Variants in SH3GL2 observed in about 807,000 individuals in gnomAD.
The protein encoded by SH3GL2 is endophilin-A1.
Under a neutral mutation model 46.0 loss-of-function variants are expected in SH3GL2, and 24 were observed. The ratio of observed to expected loss-of-function variants is 0.52; its 90% CI spans 0.38 to 0.73. The LOEUF (loss-of-function observed/expected upper bound fraction) is 0.73, where lower values mean the gene tolerates loss of function less well. SH3GL2 is among the 30% of genes least tolerant of loss of function. The pLI is 0.00. For missense variants in SH3GL2, 413 were observed against 424.2 expected (o/e 0.97, Z 0.23); for synonymous variants, 196 against 147.1 (o/e 1.33, Z -2.40).
At chr9:17,580,557 C>A (rs61708151) in intron 1 of SH3GL2, among the ~76,000 whole-genome samples, 1 of 152,168 alleles carries the variant, frequency 6.6e-6, no homozygotes, top group East Asian at 1.9e-4. Context: ...AAAAGTAAGA[C>A]TATTTCTGTA....
rs74900661 is a variant in SH3GL2 at position 17,776,037 on chromosome 9, C to T, written c.188-10344C>T. ...AAAGTGATTTACAAAAGGTCTTTCC[C>T]AAAATACTGCCATCATAATCATCTA... On this transcript the variant is annotated intron_variant, in intron 3 of 8. Transcript: ENST00000380607. Among the ~76,000 whole-genome samples the T allele has an allele frequency of 2.7e-3, 412 of 152,194 alleles. 4 individuals are homozygous for T. The highest frequency in any genetic ancestry group is 9.5e-3 in the African/African-American group (395 of 41,542).
chr9:17,594,286 C>G (rs755984163), intron 1 of SH3GL2, among the ~76,000 whole-genome samples: 3 of 152,132 alleles, frequency 2.0e-5, no homozygotes, highest in Non-Finnish European at 4.4e-5. Context: ...ACGTTTCTTG[C>G]CTTTCAAGCC....
At chr9:17,774,158 C>T (rs1404776665) in intron 3 of SH3GL2, among the ~76,000 whole-genome samples, 1 of 152,068 alleles carries the variant, frequency 6.6e-6, no homozygotes, top group Admixed American at 6.5e-5. Flanking sequence ...TGTCCTGCTA[C>T]TTTGTTGAAT....
intron 1 of SH3GL2, among the ~76,000 whole-genome samples, chr9:17,616,787 A>T (rs1158253585): frequency 6.6e-6 from 1 of 151,982 alleles, no homozygotes; most frequent in Non-Finnish European, 1.5e-5. Flanking sequence ...TTTGCATCTT[A>T]TTGTCTGATT....
At chr9:17,719,833 G>T (rs2118334689) in intron 1 of SH3GL2, among the ~76,000 whole-genome samples, 1 of 150,692 alleles carries the variant, frequency 6.6e-6, no homozygotes, top group South Asian at 2.1e-4. Flanking sequence ...TGTGCTACTG[G>T]TATTTAAAAT....
intron 1 of SH3GL2, among the ~76,000 whole-genome samples, chr9:17,585,420 C>T (rs191246942): frequency 1.3e-5 from 2 of 152,114 alleles, no homozygotes; most frequent in African/African-American, 4.8e-5. Flanking sequence ...TTTAATCCTT[C>T]GTACCCTTGT....
chr9:17,782,773 A>G (rs10756912), intron 3 of SH3GL2, among the ~76,000 whole-genome samples: 69,977 of 151,994 alleles, frequency 0.46, 17,671 homozygotes, highest in East Asian at 0.79. Flanking sequence ...AAAAATTAAA[A>G]TGTTTAAATG....
At chr9:17,649,041 G>A (rs571243368) in intron 1 of SH3GL2, among the ~76,000 whole-genome samples, 18 of 152,220 alleles carry the variant, frequency 1.2e-4, no homozygotes, top group Admixed American at 3.3e-4. Flanking sequence ...GTCTGTCAAT[G>A]TGGGCTTTTT....
intron 3 of SH3GL2, among the ~76,000 whole-genome samples, chr9:17,778,410 G>A (rs1341058361): frequency 1.3e-5 from 2 of 152,124 alleles, no homozygotes; most frequent in East Asian, 1.9e-4. Context: ...AAAATGAAGA[G>A]TAAGAGGGGG....
Position 17,793,453 on chromosome 9 carries a change from A to C in SH3GL2, c.815A>C (p.Gln272Pro). Residue 272 changes from glutamine to proline, a missense_variant, in exon 8 of 9, where the codon CAG (glutamine) becomes CCG (proline). Around this residue, in one of 3 missense-constraint regions of SH3GL2, gnomAD observed 248 missense variants for 215.0 expected, o/e 1.15. Transcript: ENST00000380607. ...SLEFPTGDST[Q>P]PNGGLSHTGT... ...GAGTTTCCAACTGGAGACAGTACTC[A>C]GCCCAATGGGGGTCTCTCCCACACA... is the stretch of plus-strand genomic sequence containing the variant. 6.2e-7 allele frequency: 1 copy of C among 1,612,124 alleles called. No individual in the cohort carries two copies. The highest frequency in any genetic ancestry group is 1.1e-5 in the South Asian group (1 of 90,530).
chr9:17,596,128 G>T (rs961377046), intron 1 of SH3GL2, among the ~76,000 whole-genome samples: 1 of 152,126 alleles, frequency 6.6e-6, no homozygotes, highest in African/African-American at 2.4e-5. Flanking sequence ...CCAAGTTCTA[G>T]AACTATAAAT....
intron 1 of SH3GL2, among the ~76,000 whole-genome samples, chr9:17,585,941 C>T (rs1038682302): frequency 1.3e-5 from 2 of 152,060 alleles, no homozygotes; most frequent in African/African-American, 2.4e-5. Flanking sequence ...TTATTGTTTC[C>T]ATAATCACTT....
At chr9:17,756,728 A>T (rs56224609) in intron 2 of SH3GL2, among the ~76,000 whole-genome samples, 3,835 of 151,940 alleles carry the variant, frequency 0.025, 146 homozygotes, top group African/African-American at 0.087. Context: ...TCTATCATTG[A>T]TGGACATTTG....
chr9:17,601,091 C>G (rs1157140920), intron 1 of SH3GL2, among the ~76,000 whole-genome samples: 1 of 152,156 alleles, frequency 6.6e-6, no homozygotes, highest in African/African-American at 2.4e-5. Flanking sequence ...CTGGGTGCCT[C>G]ATGTGTGGTG....
At chr9:17,787,602 A>T in intron 5 of SH3GL2, 89 bp downstream of exon 5, 1 of 1,078,754 alleles carries the variant, frequency 9.3e-7, no homozygotes, top group Non-Finnish European at 1.4e-6. Context: ...TTTTTAGCTT[A>T]CCCTGTGTGT....
intron 3 of SH3GL2, among the ~76,000 whole-genome samples, chr9:17,767,935 G>A (rs956724965): frequency 2.6e-5 from 4 of 152,072 alleles, no homozygotes; most frequent in East Asian, 3.9e-4. Context: ...CATCTTTGGG[G>A]AAAATATTGA....
intron 1 of SH3GL2, among the ~76,000 whole-genome samples, chr9:17,579,517 C>G (rs1818234083): frequency 6.6e-6 from 1 of 152,052 alleles, no homozygotes; most frequent in Non-Finnish European, 1.5e-5. Flanking sequence ...CGCGGGTCCC[C>G]GGCGTCCTGC....
chr9:17,731,788 T>C (rs1417634979), intron 1 of SH3GL2, among the ~76,000 whole-genome samples: 3 of 152,156 alleles, frequency 2.0e-5, no homozygotes, highest in Non-Finnish European at 4.4e-5. Context: ...CAGCTTCATC[T>C]CAAGTGCTCT....
chr9:17,593,529 G>T (rs1244959389), intron 1 of SH3GL2, among the ~76,000 whole-genome samples: 2 of 152,100 alleles, frequency 1.3e-5, no homozygotes, highest in African/African-American at 2.4e-5. Flanking sequence ...AACTGTGTTT[G>T]TTTTTTTCCT....
Sources: allele counts gnomAD v4.1 joint callset (sites outside exome capture counted in the v4.1 genomes callset), GRCh38; gene constraint gnomAD v4.1.1; regional missense constraint gnomAD v4.1.1; transcripts MANE v1.5; gene names NCBI Gene and HGNC (gene_info 2026-07-23, HGNC 2026-07-21).